Variants in HSP90AA1 observed in about 807,000 individuals in gnomAD.
HSP90AA1 encodes the protein heat shock protein 90 alpha family class A member 1, also known as heat shock protein HSP 90-alpha.
Under a neutral mutation model 73.3 loss-of-function variants are expected in HSP90AA1, and 18 were observed. The observed-to-expected ratio is 0.25, with a 90% CI of 0.17 to 0.36. The LOEUF (loss-of-function observed/expected upper bound fraction) is 0.36, where lower values mean the gene tolerates loss of function less well. HSP90AA1 is among the 10% of genes least tolerant of loss of function. The probability of loss-of-function intolerance (pLI) is 1.00; values close to 1 mark genes in which losing one functional copy is unlikely to be tolerated. For synonymous variants in HSP90AA1, 477 were observed against 296.9 expected (o/e 1.61, Z -6.24); for missense variants, 704 against 874.2 (o/e 0.81, Z 2.45).
rs1297039708 is a variant in HSP90AA1 at position 102,135,573 on chromosome 14, T to A, written c.155+3677A>T. ...GCCGTGGAGCAGGAGGTGGTGCTCG[T>A]CGGGGAGGCTCCGGCCGCACAGGAA... is the stretch of plus-strand genomic sequence containing the variant. On this transcript the variant is annotated intron_variant, in intron 1 of 11. Transcript: ENST00000334701. Among the ~76,000 whole-genome samples, 3 of 152,210 alleles carry A rather than the reference T, an allele frequency of 2.0e-5. No homozygotes were observed. In the East Asian group the frequency reaches 5.8e-4, roughly 29 times the overall value.
intron 1 of HSP90AA1, 145 bp from the exon 2 acceptor site, chr14:102,086,523 A>C (rs2049240518): frequency 2.1e-6 from 2 of 938,788 alleles, no homozygotes; most frequent in Admixed American, 3.8e-5. Flanking sequence ...GCGGCTGACA[A>C]AGGATGACCT....
rs1330443256 is a variant in HSP90AA1 at position 102,083,260 on chromosome 14, C to T, written c.1529G>A (p.Arg510His). 1 of 1,614,180 alleles carries T rather than the reference C, an allele frequency of 6.2e-7. No individual in the cohort carries two copies. The highest frequency in any genetic ancestry group is 8.5e-7 in the Non-Finnish European group (1 of 1,180,024). Residue 510 changes from arginine (R) to histidine (H), a missense_variant, in exon 9 of 11, where the codon CGT (arginine) becomes CAT (histidine). Coordinates refer to ENST00000216281, the MANE Select transcript of HSP90AA1 (RefSeq NM_005348.4). ...DQVANSAFVE[R>H]LRKHGLEVIY... ...CACTTCTAAGCCATGTTTCCGAAGA[C>T]GTTCCACAAAGGCTGAGTTAGCTAC...
chr14:102,121,958 C>G (rs2049783052), intron 1 of HSP90AA1, among the ~76,000 whole-genome samples: 1 of 152,070 alleles, frequency 6.6e-6, no homozygotes, highest in Non-Finnish European at 1.5e-5. Context: ...TTGTGCCATG[C>G]AAGACATAAA....
chr14:102,137,571 C>T (rs564101474), intron 1 of HSP90AA1, among the ~76,000 whole-genome samples: 2 of 152,000 alleles, frequency 1.3e-5, no homozygotes, highest in African/African-American at 2.4e-5. Context: ...GATCTGCCCG[C>T]CTCGGCCTCC....
At chr14:102,124,645 C>G (rs888146488) in intron 1 of HSP90AA1, among the ~76,000 whole-genome samples, 1 of 150,970 alleles carries the variant, frequency 6.6e-6, no homozygotes, top group African/African-American at 2.4e-5. Context: ...CTCAAGCAAT[C>G]CTCCTGCCTC....
At position 102,083,307 on chromosome 14, in the gene HSP90AA1, G is replaced by C. The variant is rs778058678; in HGVS notation, c.1487-5C>G. Reference sequence around the variant, plus strand: ...CTACCTGGTCCTTGGTCTCACCTGAGGTATTACAAAGTTACTTTTAGACCT... The same window carrying C: ...CTACCTGGTCCTTGGTCTCACCTGACGTATTACAAAGTTACTTTTAGACCT... On this transcript the variant is annotated splice_polypyrimidine_tract_variant and splice_region_variant and intron_variant, in intron 8 of 10. Transcript: ENST00000216281. 2 of 1,613,992 alleles carry C rather than the reference G, an allele frequency of 1.2e-6. No homozygotes were observed. The highest frequency in any genetic ancestry group is 1.1e-5 in the South Asian group (1 of 91,082).
chr14:102,101,163 G>A (rs1437748659), intron 2 of HSP90AA1, among the ~76,000 whole-genome samples: 1 of 152,058 alleles, frequency 6.6e-6, no homozygotes, highest in South Asian at 2.1e-4. Context: ...TCATTCTTTT[G>A]TCCTGTGGCT....
exon 1 of HSP90AA1, chr14:102,139,646 C>A (rs543808045): frequency 2.8e-5 from 18 of 644,548 alleles, no homozygotes; most frequent in South Asian, 1.0e-4. Context: ...CTGAAGCCGG[C>A]ATCACCTGGG....
In HSP90AA1 at chr14:102,083,653, G is replaced by A. The variant is rs760911575; in HGVS notation, c.1379C>T (p.Ser460Leu). ...AGATGTGTAGTACCTTAACAGCTCT[G>A]AAAGCTTCTTCCGATTTTGAGAGTC... ...HEDSQNRKKL[S>L]ELLRYYTSAS... The change falls in exon 8 of 11, where the codon TCA becomes TTA. Residue 460 changes from serine (S) to leucine (L), a missense_variant. Coordinates refer to ENST00000216281, the MANE Select transcript of HSP90AA1 (RefSeq NM_005348.4). The A allele has an allele frequency of 6.2e-7, 1 of 1,612,186 alleles. No individual in the cohort carries two copies. Among genetic ancestry groups the A allele is most frequent in the South Asian group, 1.1e-5 (1 of 91,004 alleles).
upstream of HSP90AA1, chr14:102,087,083 C>T: frequency 1.0e-6 from 1 of 984,372 alleles, no homozygotes; most frequent in South Asian, 4.7e-5. Context: ...TAGCGACGGG[C>T]CCGCCCAGCG....
At chr14:102,119,496 G>T (rs1357229187) in intron 1 of HSP90AA1, among the ~76,000 whole-genome samples, 1 of 152,088 alleles carries the variant, frequency 6.6e-6, no homozygotes, top group Non-Finnish European at 1.5e-5. Context: ...TTTGTTGTTT[G>T]TTTGTTTTTT....
rs754018222 is a variant in HSP90AA1, at chr14:102,084,018, T to C, written c.1148-35A>G. The C allele has an allele frequency of 2.0e-6, 3 of 1,511,860 alleles. No homozygotes were observed. The South Asian group carries it at 3.4e-5, about 17-fold the overall frequency. The allele number at this position is 1,511,860 out of a possible 1,614,324, so 93.7% of individuals were successfully genotyped here. ...ATATAAACCAAATGCACTGAGTCAT[T>C]CCAAGGACAAAACTGGTACTATGTA... is the stretch of plus-strand genomic sequence containing the variant. On this transcript the variant is annotated intron_variant, in intron 6 of 10. Coordinates refer to ENST00000216281, the MANE Select transcript of HSP90AA1 (RefSeq NM_005348.4).
At chr14:102,113,866 A>G (rs1242810593) in intron 1 of HSP90AA1, among the ~76,000 whole-genome samples, 9 of 151,836 alleles carry the variant, frequency 5.9e-5, no homozygotes, top group African/African-American at 9.7e-5. Flanking sequence ...GCCTGCCACC[A>G]TGCCCCGCTA....
At chr14:102,096,025 C>G (rs1366781863) in intron 2 of HSP90AA1, among the ~76,000 whole-genome samples, 1 of 152,210 alleles carries the variant, frequency 6.6e-6, no homozygotes, top group Admixed American at 6.5e-5. Context: ...GAGGCCCCCT[C>G]CTGTGCCCAT....
intron 6 of HSP90AA1, 123 bp from the exon 7 acceptor site, chr14:102,084,106 G>C (rs1272362573): frequency 2.0e-5 from 17 of 851,632 alleles, no homozygotes; most frequent in Non-Finnish European, 3.3e-5. Flanking sequence ...GTCTCACTCT[G>C]TTGCCCAGGC....
At position 102,103,180 on chromosome 14, in the gene HSP90AA1, C is replaced by CAAAA. The variant is rs898771022; in HGVS notation, c.156-1099_156-1096dup. 1.3e-4 allele frequency among the ~76,000 whole-genome samples: 5 copies of CAAAA among 37,212 alleles called. No individual in the cohort carries two copies. The East Asian group carries it at 3.3e-3, about 25-fold the overall frequency. 24.4% of individuals were successfully genotyped at this position (37,212 alleles called of 152,430 possible). ...TGGGCAGCAGAGCGAGACTCAGTCT[C>CAAAA]AAAAAAAAAAAAAAAAAAAAAAAAG... On this transcript the variant is annotated intron_variant, in intron 1 of 11. Coordinates refer to the HSP90AA1 transcript ENST00000334701.
intron 9 of HSP90AA1, 53 bp downstream of exon 9, chr14:102,082,981 G>A (rs777576819): frequency 3.8e-6 from 6 of 1,565,716 alleles, no homozygotes. Context: ...GTATGACTAA[G>A]CTTGAAAGCA....
chr14:102,108,109 GAA>G (rs1457045635), intron 1 of HSP90AA1, among the ~76,000 whole-genome samples: 1 of 151,486 alleles, frequency 6.6e-6, no homozygotes, highest in Non-Finnish European at 1.5e-5. Flanking sequence ...AAAAATTTTA[GAA>G]AATTAGCTAA....
rs769888841 is a variant in HSP90AA1 at position 102,086,164 on chromosome 14, C to CA, written c.163-41dup. ...TATTAATTTAAGCATACAGCACCCCCAAGAAGTTCACACTGAAACCAAAAT... is the reference window on the plus strand; with the variant it reads ...TATTAATTTAAGCATACAGCACCCCCAAAGAAGTTCACACTGAAACCAAAAT... On this transcript the variant is annotated intron_variant, in intron 2 of 10. Coordinates refer to ENST00000216281, the MANE Select transcript of HSP90AA1 (RefSeq NM_005348.4). The CA allele has an allele frequency of 1.9e-6, 3 of 1,614,130 alleles. No individual in the cohort carries two copies. The Admixed American group carries it at 5.0e-5, about 27-fold the overall frequency.
Sources: gnomAD v4.1 joint callset for allele counts (sites outside exome capture counted in the v4.1 genomes callset) on GRCh38, gnomAD v4.1.1 for gene constraint, MANE v1.5 for transcripts, NCBI Gene and HGNC (gene_info 2026-07-23, HGNC 2026-07-21) for gene names.